LARS2: variants seen among roughly 807,000 people sequenced by gnomAD.
LARS2 encodes leucine--tRNA ligase, mitochondrial.
LARS2 carries 81 observed loss-of-function variants against 116.6 expected under a neutral mutation model. The observed-to-expected ratio is 0.69, with a 90% confidence interval of 0.58 to 0.84. The LOEUF (loss-of-function observed/expected upper bound fraction) is 0.84, where lower values mean the gene tolerates loss of function less well. Ranked by LOEUF, LARS2 falls within the 40% of genes least tolerant of loss-of-function variation. The pLI is 0.00. For missense variants in LARS2, 968 were observed against 1,114.5 expected, an observed-to-expected ratio of 0.87 and a Z score of 1.87; for synonymous variants, 396 against 407.2, an observed-to-expected ratio of 0.97 and a Z score of 0.33.
chr3:45,523,790 A>G (rs994255708), intron 19 of LARS2, among the ~76,000 whole-genome samples: 8 of 151,666 alleles, frequency 5.3e-5, no homozygotes, highest in African/African-American at 1.9e-4. Flanking sequence ...TGGGAGTATA[A>G]GTGTCAGCTA....
intron 7 of LARS2, 110 bp from the exon 8 acceptor site, chr3:45,458,633 G>A: frequency 9.4e-7 from 1 of 1,066,022 alleles, no homozygotes; most frequent in South Asian, 1.4e-5. Flanking sequence ...GTTGCAGTGA[G>A]TCGAGATCAC....
chr3:45,519,926 G>T, intron 18 of LARS2: 1 of 320,894 alleles, frequency 3.1e-6, no homozygotes, highest in Non-Finnish European at 6.0e-6. Flanking sequence ...AGGATTACAG[G>T]TGTGAGCCAC....
intron 20 of LARS2, among the ~76,000 whole-genome samples, chr3:45,531,566 T>A (rs1035622183): frequency 2.6e-5 from 4 of 151,810 alleles, no homozygotes; most frequent in African/African-American, 9.7e-5. Flanking sequence ...TTTCTTTTTA[T>A]AGAGATGGTG....
At chr3:45,407,222 A>G (rs145421163) in intron 4 of LARS2, among the ~76,000 whole-genome samples, 1 of 152,382 alleles carries the variant, frequency 6.6e-6, no homozygotes, top group East Asian at 1.9e-4. Flanking sequence ...GGAAGTTCTT[A>G]GCAAGTAAAC....
At chr3:45,401,046 C>G (rs918302245) in intron 4 of LARS2, among the ~76,000 whole-genome samples, 1 of 152,132 alleles carries the variant, frequency 6.6e-6, no homozygotes, top group Non-Finnish European at 1.5e-5. Context: ...TTCCTGGCCT[C>G]GTGATCCGCC....
chr3:45,415,892 GGGAGA>G (rs1559461382), intron 4 of LARS2, among the ~76,000 whole-genome samples: 8,961 of 67,996 alleles, frequency 0.13, 333 homozygotes, highest in Middle Eastern at 0.16. Context: ...GAGAGAGAGA[GGGAGA>G]GAGAGAGAGA....
chr3:45,394,341 A>G, intron 2 of LARS2, 92 bp from the exon 3 acceptor site: 3 of 669,728 alleles, frequency 4.5e-6, no homozygotes, highest in Non-Finnish European at 7.8e-6. Context: ...AGGAAAGCAC[A>G]GGGCCAGAAC....
chr3:45,514,933 C>G (rs1042306199), intron 16 of LARS2, among the ~76,000 whole-genome samples: 4 of 152,182 alleles, frequency 2.6e-5, no homozygotes, highest in African/African-American at 4.8e-5. Flanking sequence ...TTTTCCCTTC[C>G]CACGTAGTCT....
intron 16 of LARS2, among the ~76,000 whole-genome samples, chr3:45,513,944 G>A (rs912728827): frequency 1.3e-5 from 2 of 152,144 alleles, no homozygotes; most frequent in African/African-American, 2.4e-5. Flanking sequence ...GGTAGCTCAC[G>A]CCTGTAATCC....
intron 13 of LARS2, chr3:45,495,566 G>C (rs867174731): frequency 2.0e-5 from 3 of 152,142 alleles, no homozygotes; most frequent in Admixed American, 2.0e-4. Context: ...CCCTATATTT[G>C]GTTCTCATTT....
chr3:45,417,385 A>G (rs968865894), intron 4 of LARS2, 97 bp from the exon 5 acceptor site: 4 of 885,488 alleles, frequency 4.5e-6, no homozygotes, highest in South Asian at 4.3e-5. Context: ...AAGATAAGGC[A>G]TGTTAGCAGG....
Position 45,432,536 on chromosome 3 carries a change from TAAAC to T in LARS2, c.516+12810_516+12813del, listed in dbSNP as rs1204416096. On this transcript the variant is annotated intron_variant, in intron 6 of 21. Coordinates refer to ENST00000645846, the MANE Select transcript of LARS2 (RefSeq NM_015340.4). ...TTTGTGTAATTAAACAACACGCTCT[TAAAC>T]AACAAATGGATTAAAAAATCACAAG... is the stretch of plus-strand genomic sequence containing the variant. 2.6e-5 allele frequency among the ~76,000 whole-genome samples: 4 copies of T among 152,090 alleles called. No individual in the cohort carries two copies. The East Asian group carries it at 7.7e-4, about 29-fold the overall frequency.
Position 45,548,464 on chromosome 3 carries a change from G to A in LARS2, c.*934G>A, listed in dbSNP as rs1700906379. The A allele has an allele frequency of 6.6e-6, 1 of 152,294 alleles. No homozygotes were observed. Among genetic ancestry groups the A allele is most frequent in the South Asian group, 2.1e-4 (1 of 4,830 alleles). The allele number at this position is 152,294 out of a possible 1,614,324, so 9.4% of individuals were successfully genotyped here. A position where few individuals can be genotyped will look rare whatever the true frequency, so the allele number is the denominator to read the frequency against. ...CCACCATTGTTGATGTGACTCCAGA[G>A]CCAGTTATTAGGAAGAGCAAGCTCA... On this transcript the variant is annotated 3_prime_UTR_variant, in exon 22 of 22. Transcript: ENST00000645846.
chr3:45,505,655 C>T (rs9311372), intron 15 of LARS2, among the ~76,000 whole-genome samples: 121,340 of 151,920 alleles, frequency 0.8, 52,725 homozygotes, highest in East Asian at 0.98. Context: ...TGCCACTGCA[C>T]GCTAGCCTAT....
At chr3:45,537,678 C>G (rs370974431) in intron 20 of LARS2, among the ~76,000 whole-genome samples, 17 of 152,290 alleles carry the variant, frequency 1.1e-4, no homozygotes, top group African/African-American at 4.1e-4. Context: ...GATCGGACGC[C>G]GCAGAGTCCC....
At chr3:45,491,268 T>C in intron 12 of LARS2, among the ~76,000 whole-genome samples, 1 of 152,130 alleles carries the variant, frequency 6.6e-6, no homozygotes, top group East Asian at 1.9e-4. Flanking sequence ...AAAATGAACT[T>C]TTAGGGTCAA....
At chr3:45,542,219 C>T (rs919280223) in intron 21 of LARS2, among the ~76,000 whole-genome samples, 29 of 152,174 alleles carry the variant, frequency 1.9e-4, no homozygotes, top group African/African-American at 6.8e-4. Flanking sequence ...AGTAATAAAC[C>T]TGGCCCGCCT....
chr3:45,536,869 T>C (rs1160344464), intron 20 of LARS2, among the ~76,000 whole-genome samples: 1 of 152,238 alleles, frequency 6.6e-6, no homozygotes, highest in African/African-American at 2.4e-5. Context: ...TCTACCTTTA[T>C]AGAGATGTTA....
At chr3:45,419,376 C>T (rs1321771667) in intron 5 of LARS2, among the ~76,000 whole-genome samples, 1 of 152,180 alleles carries the variant, frequency 6.6e-6, no homozygotes, top group Admixed American at 6.5e-5. Flanking sequence ...CAGCAGTGCA[C>T]ATCTCAAAGG....
Sources: allele counts gnomAD v4.1 joint callset (sites outside exome capture counted in the v4.1 genomes callset), GRCh38; gene constraint gnomAD v4.1.1; transcripts MANE v1.5; gene names NCBI Gene and HGNC (gene_info 2026-07-23, HGNC 2026-07-21).